Variants in FAM76B observed in about 807,000 individuals in gnomAD.
FAM76B encodes family with sequence similarity 76 member B, also known as protein FAM76B.
A neutral mutation model predicts 51.8 loss-of-function variants in FAM76B; 16 were observed. The observed-to-expected ratio is 0.31, with a 90% CI of 0.21 to 0.47. FAM76B has a LOEUF of 0.47. FAM76B is among the 20% of genes least tolerant of loss of function. FAM76B has a pLI of 1.00. For missense variants in FAM76B, 342 were observed against 392.6 expected (o/e 0.87, Z 1.09); for synonymous variants, 166 against 129.5 (o/e 1.28, Z -1.91).
intron 4 of FAM76B, among the ~76,000 whole-genome samples, chr11:95,784,806 C>T (rs897636965): frequency 6.6e-6 from 1 of 152,052 alleles, no homozygotes; most frequent in Admixed American, 6.5e-5. Context: ...CCAGGATGGT[C>T]TCGATCTCCT....
In FAM76B at chr11:95,789,545, GC is replaced by G; in HGVS notation, c.-68del. 7.0e-7 allele frequency: 1 copy of G among 1,433,334 alleles called. No homozygotes were observed. Among genetic ancestry groups the G allele is most frequent in the Admixed American group, 2.2e-5 (1 of 45,296 alleles). The allele number at this position is 1,433,334 out of a possible 1,614,324, so 88.8% of individuals were successfully genotyped here. On this transcript the variant is annotated 5_prime_UTR_variant, in exon 1 of 10. Coordinates refer to ENST00000358780, the MANE Select transcript of FAM76B (RefSeq NM_144664.5). ...GCGGGGCCCTACGGAGAACCCGAGA[GC>G]CGCCGCCGCCCGGGCCGCGGGCTCC...
intron 9 of FAM76B, among the ~76,000 whole-genome samples, chr11:95,775,220 T>C (rs12275378): frequency 0.033 from 5,012 of 151,564 alleles, 286 homozygotes; most frequent in African/African-American, 0.11. Context: ...TTTCTAAATG[T>C]ATGAAACCTA....
chr11:95,783,911 TCA>T (rs1474084911), intron 4 of FAM76B, among the ~76,000 whole-genome samples: 1 of 152,186 alleles, frequency 6.6e-6, no homozygotes, highest in African/African-American at 2.4e-5. Flanking sequence ...AGTATCCTTT[TCA>T]CAGTCTGTTT....
At chr11:95,779,768 A>G in intron 6 of FAM76B, 81 bp from the exon 7 acceptor site, 1 of 1,563,544 alleles carries the variant, frequency 6.4e-7, no homozygotes, top group Non-Finnish European at 8.7e-7. Context: ...TTCCCCTAAA[A>G]TATTACTGAA....
intron 7 of FAM76B, chr11:95,779,223 G>A (rs1472520800): frequency 4.9e-6 from 6 of 1,226,576 alleles, no homozygotes; most frequent in Non-Finnish European, 6.8e-6. Flanking sequence ...AGTAACATCA[G>A]CAAACTTTTG....
chr11:95,779,443 A>T, intron 7 of FAM76B, 164 bp downstream of exon 7: 1 of 674,390 alleles, frequency 1.5e-6, no homozygotes, highest in Non-Finnish European at 2.3e-6. Flanking sequence ...TTATTGCCAA[A>T]ATTAAGCTAA....
chr11:95,779,462 A>C, intron 7 of FAM76B, 145 bp downstream of exon 7: 1 of 728,160 alleles, frequency 1.4e-6, no homozygotes, highest in Non-Finnish European at 2.1e-6. Context: ...AAAAATTTTA[A>C]ACTAATTTAT....
At position 95,770,580 on chromosome 11, in the gene FAM76B, T is replaced by A. The variant is rs1187761035; in HGVS notation, c.*981A>T. On this transcript the variant is annotated 3_prime_UTR_variant, in exon 10 of 10. Transcript: ENST00000358780. ...ATGACATAAAAAATAAAATTACTCT[T>A]TAAGAAGCAACTTAAAATTAAATCT... 2.0e-5 allele frequency: 3 copies of A among 151,782 alleles called. No individual in the cohort carries two copies. Among genetic ancestry groups the A allele is most frequent in the Non-Finnish European group, 3.0e-5 (2 of 67,490 alleles). 9.4% of individuals were successfully genotyped at this position (151,782 alleles called of 1,614,324 possible).
At chr11:95,774,655 A>G (rs1748327995) in intron 9 of FAM76B, among the ~76,000 whole-genome samples, 1 of 151,272 alleles carries the variant, frequency 6.6e-6, no homozygotes, top group African/African-American at 2.4e-5. Flanking sequence ...AAAAACAGGA[A>G]TAACATAAAA....
intron 8 of FAM76B, 40 bp from the exon 9 acceptor site, chr11:95,776,063 A>G (rs1241669095): frequency 9.6e-7 from 1 of 1,038,568 alleles, no homozygotes; most frequent in East Asian, 2.7e-5. Context: ...ATATTTGCAC[A>G]CATACACACA....
chr11:95,779,648 C>T lies in FAM76B; in HGVS notation c.651G>A (p.Lys217=). The change falls in exon 7 of 10, where the codon AAG becomes AAA. Residue 217 remains lysine (K), a synonymous_variant. Transcript: ENST00000358780. ...SSATIQNETP[K]KKPKLESKPS... ...GCTTAGATTCCAATTTGGGCTTTTT[C>T]TTTGGAGTTTCATTCTGAATTGTTG... The T allele has an allele frequency of 6.2e-7, 1 of 1,609,670 alleles. No homozygotes were observed. Among genetic ancestry groups the T allele is most frequent in the Non-Finnish European group, 8.5e-7 (1 of 1,177,738 alleles).
At position 95,777,369 on chromosome 11, in the gene FAM76B, C is replaced by G. The variant is rs138598502; in HGVS notation, c.829-1346G>C. On this transcript the variant is annotated intron_variant, in intron 8 of 9. Coordinates refer to ENST00000358780, the MANE Select transcript of FAM76B (RefSeq NM_144664.5). Reference sequence around the variant, plus strand: ...AACAAAAGCAGAAAACTTCAATTAACTGCACAATACAAAGATAGTACCTCT... The same window carrying G: ...AACAAAAGCAGAAAACTTCAATTAAGTGCACAATACAAAGATAGTACCTCT... 2.7e-4 allele frequency among the ~76,000 whole-genome samples: 41 copies of G among 151,388 alleles called. No homozygotes were observed. The East Asian group carries it at 7.5e-3, about 28-fold the overall frequency.
At position 95,779,796 on chromosome 11, in the gene FAM76B, GACTT is replaced by G. The variant is rs531861564; in HGVS notation, c.611+79_611+82del. The G allele has an allele frequency of 5.8e-3, 8,979 of 1,556,868 alleles. 42 individuals carry two copies. Among genetic ancestry groups the G allele is most frequent in the Non-Finnish European group, 7.3e-3 (8,331 of 1,146,442 alleles). ...TTACTGAAAATACTGATTTTGGTAA[GACTT>G]AAGTAACAAAGTTGAAGGGATATCA... On this transcript the variant is annotated intron_variant, in intron 6 of 9. Coordinates refer to ENST00000358780, the MANE Select transcript of FAM76B (RefSeq NM_144664.5).
intron 5 of FAM76B, among the ~76,000 whole-genome samples, chr11:95,781,075 T>G (rs1860241328): frequency 6.6e-6 from 1 of 151,496 alleles, no homozygotes; most frequent in South Asian, 2.1e-4. Flanking sequence ...GGAATGCAGT[T>G]GTCCCTTTTT....
At chr11:95,788,684 C>A (rs1023319405) in intron 1 of FAM76B, 121 bp from the exon 2 acceptor site, 19 of 1,225,846 alleles carry the variant, frequency 1.5e-5, no homozygotes, top group Non-Finnish European at 2.1e-5. Flanking sequence ...CTGGCCCCAA[C>A]GTAAAGAACT....
chr11:95,787,837 C>A (rs568963829), intron 2 of FAM76B, among the ~76,000 whole-genome samples, 159 bp from the exon 3 acceptor site: 2 of 152,108 alleles, frequency 1.3e-5, no homozygotes, highest in South Asian at 4.1e-4. Context: ...AGTTGTTTTA[C>A]CCAAATTAAC....
At chr11:95,773,709 C>A (rs780207420) in intron 9 of FAM76B, among the ~76,000 whole-genome samples, 1 of 151,306 alleles carries the variant, frequency 6.6e-6, no homozygotes, top group Non-Finnish European at 1.5e-5. Flanking sequence ...TAGCCTAACA[C>A]AGTTCCTGGT....
Position 95,787,171 on chromosome 11 carries a change from T to C in FAM76B, c.207+453A>G, listed in dbSNP as rs1860642263. Among the ~76,000 whole-genome samples, 2 of 152,216 alleles carry C rather than the reference T, an allele frequency of 1.3e-5. 1 individual carries two copies. Among genetic ancestry groups the C allele is most frequent in the South Asian group, 4.1e-4 (2 of 4,834 alleles). ...GTTTTTAAATGTTATCACCTTTCCATCAAAGTATCTATAGAAAATGTCTTT... is the reference window on the plus strand; with the variant it reads ...GTTTTTAAATGTTATCACCTTTCCACCAAAGTATCTATAGAAAATGTCTTT... On this transcript the variant is annotated intron_variant, in intron 3 of 9. Transcript: ENST00000358780.
chr11:95,775,360 C>G (rs10831429), intron 9 of FAM76B, among the ~76,000 whole-genome samples: 3 of 151,142 alleles, frequency 2.0e-5, no homozygotes, highest in African/African-American at 7.3e-5. Flanking sequence ...TATACTTAAA[C>G]TGCTACTTTG....
Sources: allele counts gnomAD v4.1 joint callset (sites outside exome capture counted in the v4.1 genomes callset), GRCh38; gene constraint gnomAD v4.1.1; transcripts MANE v1.5; gene names NCBI Gene and HGNC (gene_info 2026-07-23, HGNC 2026-07-21).